Variants in TBCD observed in about 807,000 individuals in gnomAD.
TBCD encodes the protein tubulin folding cofactor D, also known as tubulin-specific chaperone D.
TBCD carries 105 observed loss-of-function variants against 169.3 expected under a neutral mutation model. The ratio of observed to expected loss-of-function variants is 0.62; its 90% confidence interval spans 0.53 to 0.73. The LOEUF (loss-of-function observed/expected upper bound fraction) is 0.73, where lower values mean the gene tolerates loss of function less well. Among genes scored for constraint, TBCD ranks in the 30% least tolerant of loss-of-function variants. The pLI, the probability that TBCD is intolerant of heterozygous loss-of-function variation, is 0.00. For missense variants in TBCD, 1,444 were observed against 1,600.1 expected (o/e 0.90, Z 1.66); for synonymous variants, 700 against 643.9 (o/e 1.09, Z -1.32).
At position 82,941,575 on chromosome 17, in the gene TBCD, C is replaced by T. The variant is rs1304165583; in HGVS notation, c.3564+92C>T. On this transcript the variant is annotated intron_variant, in intron 38 of 38. Coordinates refer to ENST00000355528, the MANE Select transcript of TBCD (RefSeq NM_005993.5). ...AGCGGCTGTGCTTAGCTTCTGCCAG[C>T]ACGTCCACACGGCCCGTTCCCTCGT... is the stretch of plus-strand genomic sequence containing the variant. 7 of 1,122,754 alleles carry T rather than the reference C, an allele frequency of 6.2e-6. No individual in the cohort carries two copies. The African/African-American group carries it at 7.8e-5, about 12-fold the overall frequency. The allele number at this position is 1,122,754 out of a possible 1,614,324, so 69.5% of individuals were successfully genotyped here.
chr17:82,943,472 T>A lies in TBCD; in HGVS notation c.*1009T>A, dbSNP rs573455437. 6.6e-6 allele frequency: 1 copy of A among 151,118 alleles called. No individual in the cohort carries two copies. The highest frequency in any genetic ancestry group is 1.9e-4 in the East Asian group (1 of 5,144). The allele number at this position is 151,118 out of a possible 1,614,324, so 9.4% of individuals were successfully genotyped here. A position where few individuals can be genotyped will look rare whatever the true frequency, so the allele number is the denominator to read the frequency against. On this transcript the variant is annotated 3_prime_UTR_variant, in exon 39 of 39. Transcript: ENST00000355528. ...TTGGGTGAGCAACCCTTTCCCTATG[T>A]GAGGAGCCCAGGGGTGCCATGTGCG...
intron 13 of TBCD, among the ~76,000 whole-genome samples, chr17:82,847,356 G>GAAAAAAAAAAAAAAAAAAAAAAAAAAAA: frequency 1.2e-5 from 1 of 81,756 alleles, no homozygotes; most frequent in Non-Finnish European, 2.4e-5. Flanking sequence ...CCATGTCAAA[G>GAAAAAAAAAAAAAAAAAAAAAAAAAAAA]AAAAAAAAAA....
At chr17:82,875,153 G>C (rs2057875997) in intron 14 of TBCD, among the ~76,000 whole-genome samples, 1 of 152,150 alleles carries the variant, frequency 6.6e-6, no homozygotes, top group South Asian at 2.1e-4. Context: ...TACTGTTCCT[G>C]TTTTATAAAT....
At chr17:82,783,247 T>A (rs115870380) in intron 7 of TBCD, among the ~76,000 whole-genome samples, 1 of 152,144 alleles carries the variant, frequency 6.6e-6, no homozygotes, top group Non-Finnish European at 1.5e-5. Flanking sequence ...GTTTCAGACG[T>A]GTGAGAGAAA....
chr17:82,812,373 G>A (rs2051510135), intron 12 of TBCD, among the ~76,000 whole-genome samples: 1 of 152,096 alleles, frequency 6.6e-6, no homozygotes, highest in African/African-American at 2.4e-5. Flanking sequence ...CCTTTCTGTT[G>A]AGCTTTACGG....
chr17:82,882,097 G>GCCCGAGTCACATGC (rs1567949696), intron 14 of TBCD, among the ~76,000 whole-genome samples: 1 of 152,222 alleles, frequency 6.6e-6, no homozygotes, highest in African/African-American at 2.4e-5. Context: ...TGGTCACAAG[G>GCCCGAGTCACATGC]CCCGAGTCAC....
At chr17:82,815,018 G>GTGGA (rs2051754901) in intron 13 of TBCD, 84 bp downstream of exon 13, 5 of 1,578,668 alleles carry the variant, frequency 3.2e-6, no homozygotes. Flanking sequence ...ATCTCGACTC[G>GTGGA]TGGATGGTGA....
Position 82,940,215 on chromosome 17 carries a change from ACG to A in TBCD, c.3479+745_3479+746del, listed in dbSNP as rs150235409. Among the ~76,000 whole-genome samples, 743 of 96,670 alleles carry A rather than the reference ACG, an allele frequency of 7.7e-3. 10 individuals carry two copies. Among genetic ancestry groups the A allele is most frequent in the African/African-American group, 0.02 (672 of 34,326 alleles). The allele number at this position is 96,670 out of a possible 152,430, so 63.4% of individuals were successfully genotyped here. A position where few individuals can be genotyped will look rare whatever the true frequency, so the allele number is the denominator to read the frequency against. ...CTGGCTCACACACATGCTCACTTGC[ACG>A]CGCGCACACACACACACACACACAC... On this transcript the variant is annotated intron_variant, in intron 37 of 38. Transcript: ENST00000355528.
intron 17 of TBCD, among the ~76,000 whole-genome samples, chr17:82,894,589 C>T (rs2059357389): frequency 6.6e-6 from 1 of 152,222 alleles, no homozygotes; most frequent in African/African-American, 2.4e-5. Flanking sequence ...TCTTTGAACA[C>T]ACTTATCTGT....
chr17:82,805,203 C>T (rs889728621), intron 9 of TBCD, among the ~76,000 whole-genome samples: 5 of 152,238 alleles, frequency 3.3e-5, no homozygotes, highest in African/African-American at 7.2e-5. Context: ...CGTAGGACTG[C>T]GTTCCCATTT....
In TBCD at chr17:82,942,644, G is replaced by T; in HGVS notation, c.*181G>T. Reference sequence around the variant, plus strand: ...TGCACCTGCGCTCTGGTGACTTGGGGTGGACGCCTCTGCCTTCACTTGAAC... The same window carrying T: ...TGCACCTGCGCTCTGGTGACTTGGGTTGGACGCCTCTGCCTTCACTTGAAC... On this transcript the variant is annotated 3_prime_UTR_variant, in exon 39 of 39. Coordinates refer to ENST00000355528, the MANE Select transcript of TBCD (RefSeq NM_005993.5). 1.4e-6 allele frequency: 1 copy of T among 711,968 alleles called. No individual in the cohort carries two copies. Among genetic ancestry groups the T allele is most frequent in the Non-Finnish European group, 2.4e-6 (1 of 417,974 alleles). 44.1% of individuals were successfully genotyped at this position (711,968 alleles called of 1,614,324 possible).
At chr17:82,876,748 C>T (rs766962832) in intron 14 of TBCD, among the ~76,000 whole-genome samples, 14 of 152,232 alleles carry the variant, frequency 9.2e-5, no homozygotes, top group Non-Finnish European at 1.2e-4. Flanking sequence ...AAAATATACA[C>T]GCAACAGCAA....
intron 7 of TBCD, among the ~76,000 whole-genome samples, chr17:82,783,761 G>C (rs1329559109): frequency 6.6e-6 from 1 of 152,180 alleles, no homozygotes; most frequent in Non-Finnish European, 1.5e-5. Flanking sequence ...CCATATGCCA[G>C]TGTGTGGGTA....
intron 14 of TBCD, among the ~76,000 whole-genome samples, chr17:82,882,242 C>T (rs549864501): frequency 3.9e-5 from 6 of 152,236 alleles, no homozygotes; most frequent in Non-Finnish European, 7.3e-5. Context: ...CAGACCCACT[C>T]GCACCCATGG....
chr17:82,770,599 CAA>C (rs1351025159), intron 5 of TBCD, among the ~76,000 whole-genome samples: 21 of 90,292 alleles, frequency 2.3e-4, no homozygotes, highest in African/African-American at 2.0e-4. Context: ...AACTCCGTCT[CAA>C]AAAAAAAAAA....
chr17:82,787,088 A>G (rs1223817717), intron 7 of TBCD, among the ~76,000 whole-genome samples: 1 of 152,122 alleles, frequency 6.6e-6, no homozygotes, highest in Non-Finnish European at 1.5e-5. Flanking sequence ...GTGGAGAGAC[A>G]TTCGTTTTTC....
rs1387272548 is a variant in TBCD at position 82,797,713 on chromosome 17, CTATTTG to C, written c.772-35_772-30del. 2.9e-6 allele frequency: 4 copies of C among 1,367,660 alleles called. No individual in the cohort carries two copies. In the Admixed American group the frequency reaches 1.0e-4, roughly 35 times the overall value. 84.7% of individuals were successfully genotyped at this position (1,367,660 alleles called of 1,614,324 possible). A position where few individuals can be genotyped will look rare whatever the true frequency, so the allele number is the denominator to read the frequency against. On this transcript the variant is annotated intron_variant, in intron 7 of 38. Coordinates refer to ENST00000355528, the MANE Select transcript of TBCD (RefSeq NM_005993.5). ...CAATTTGTGTGTATGTTTTAAACTT[CTATTTG>C]TATTTGTAACATTAAAAATCTTTTT...
intron 13 of TBCD, among the ~76,000 whole-genome samples, chr17:82,819,270 G>C (rs1337356473): frequency 6.6e-6 from 1 of 152,218 alleles, no homozygotes; most frequent in Non-Finnish European, 1.5e-5. Flanking sequence ...GGCACCCTGG[G>C]TCTTTCTGCC....
intron 16 of TBCD, among the ~76,000 whole-genome samples, 187 bp from the exon 17 acceptor site, chr17:82,893,360 C>T (rs542805945): frequency 7.9e-5 from 12 of 152,154 alleles, no homozygotes; most frequent in African/African-American, 2.2e-4. Context: ...CTGGGTAGAC[C>T]GTCAGGAAGT....
Sources: gnomAD v4.1 joint callset for allele counts (sites outside exome capture counted in the v4.1 genomes callset) on GRCh38, gnomAD v4.1.1 for gene constraint, MANE v1.5 for transcripts, NCBI Gene and HGNC (gene_info 2026-07-23, HGNC 2026-07-21) for gene names.